Variants in PITPNC1 observed in about 807,000 individuals in gnomAD.
PITPNC1 encodes the protein cytoplasmic phosphatidylinositol transfer protein 1.
Under a neutral mutation model 44.7 loss-of-function variants are expected in PITPNC1, and 18 were observed. That is an observed-to-expected ratio of 0.40 (90% confidence interval 0.28 to 0.60). PITPNC1 has a LOEUF of 0.60. Ranked by LOEUF, PITPNC1 falls within the 20% of genes least tolerant of loss-of-function variation. PITPNC1 has a pLI of 0.39. For missense variants in PITPNC1, 290 were observed against 418.4 expected (o/e 0.69, Z 2.68); for synonymous variants, 141 against 149.6 (o/e 0.94, Z 0.42).
intron 4 of PITPNC1, 33 bp downstream of exon 4, chr17:67,553,650 G>T: frequency 1.0e-6 from 1 of 981,574 alleles, no homozygotes; most frequent in Non-Finnish European, 1.5e-6. Context: ...TAAACATTCT[G>T]TCTATGATCA....
chr17:67,515,619 C>T (rs990177977), intron 1 of PITPNC1, among the ~76,000 whole-genome samples: 11 of 152,214 alleles, frequency 7.2e-5, no homozygotes, highest in Admixed American at 6.5e-4. Flanking sequence ...GTGGGCTGGG[C>T]GTGGAGCCGG....
chr17:67,648,123 TA>T, intron 6 of PITPNC1, among the ~76,000 whole-genome samples: 1 of 152,308 alleles, frequency 6.6e-6, no homozygotes, highest in East Asian at 1.9e-4. Flanking sequence ...GTTGGAGGCC[TA>T]AATTTCCCAA....
chr17:67,578,096 C>A, intron 4 of PITPNC1, 90 bp from the exon 5 acceptor site: 1 of 883,078 alleles, frequency 1.1e-6, no homozygotes, highest in South Asian at 1.4e-5. Flanking sequence ...TGCTTGCAAC[C>A]AAATGGCCAG....
chr17:67,459,638 T>C (rs992064977), intron 1 of PITPNC1: 2 of 152,220 alleles, frequency 1.3e-5, no homozygotes, highest in Non-Finnish European at 2.9e-5. Context: ...TTATCTTAAT[T>C]TGTTGCCATA....
At chr17:67,490,200 AGAATGAG>A (rs2039844310) in intron 1 of PITPNC1, among the ~76,000 whole-genome samples, 1 of 150,286 alleles carries the variant, frequency 6.7e-6, no homozygotes, top group Admixed American at 6.7e-5. Flanking sequence ...TTTGGAGCTA[AGAATGAG>A]GAATGAGGAT....
intron 1 of PITPNC1, among the ~76,000 whole-genome samples, chr17:67,531,862 C>G (rs2040466105): frequency 6.6e-6 from 1 of 152,248 alleles, no homozygotes; most frequent in Non-Finnish European, 1.5e-5. Context: ...AGGGTTGTAC[C>G]TCATGCAAAA....
intron 5 of PITPNC1, among the ~76,000 whole-genome samples, chr17:67,591,512 A>G (rs191800397): frequency 6.4e-4 from 98 of 152,332 alleles, no homozygotes; most frequent in African/African-American, 2.2e-3. Context: ...ACCCTGAAAT[A>G]TCTAGAGGTC....
intron 1 of PITPNC1, among the ~76,000 whole-genome samples, chr17:67,460,487 G>A (rs576877911): frequency 1.3e-5 from 2 of 151,774 alleles, no homozygotes; most frequent in South Asian, 2.1e-4. Flanking sequence ...GCAGTGGCCC[G>A]ATCTCAGGTC....
chr17:67,423,161 C>T (rs548419780), intron 1 of PITPNC1, among the ~76,000 whole-genome samples: 6 of 152,162 alleles, frequency 3.9e-5, no homozygotes, highest in Middle Eastern at 3.4e-3. Context: ...TTAACTTGTT[C>T]GGAAGCTTTT....
intron 6 of PITPNC1, among the ~76,000 whole-genome samples, chr17:67,661,278 C>T (rs2042343609): frequency 6.6e-6 from 1 of 152,042 alleles, no homozygotes; most frequent in South Asian, 2.1e-4. Flanking sequence ...AAATGTCACC[C>T]ACAGTCAAGG....
intron 5 of PITPNC1, chr17:67,611,289 T>G (rs1432894796): frequency 6.6e-6 from 1 of 152,246 alleles, no homozygotes; most frequent in Non-Finnish European, 1.5e-5. Context: ...GACCATCCTT[T>G]TATTAGAATC....
Position 67,694,325 on chromosome 17 carries a change from C to T in PITPNC1, c.*1437C>T, listed in dbSNP as rs987136656. On this transcript the variant is annotated 3_prime_UTR_variant, in exon 9 of 9. Transcript: ENST00000581322. Reference sequence around the variant, plus strand: ...TTGGGCAACTTGGAGGCCCACGCCCCAGCTAGCCTTCCTGATCGTAACCTC... The same window carrying T: ...TTGGGCAACTTGGAGGCCCACGCCCTAGCTAGCCTTCCTGATCGTAACCTC... The T allele has an allele frequency of 2.0e-5, 3 of 152,282 alleles. No individual in the cohort carries two copies. The highest frequency in any genetic ancestry group is 2.9e-5 in the Non-Finnish European group (2 of 68,084). 9.4% of individuals were successfully genotyped at this position (152,282 alleles called of 1,614,324 possible).
intron 1 of PITPNC1, among the ~76,000 whole-genome samples, chr17:67,528,198 C>A (rs973189545): frequency 6.6e-6 from 1 of 152,148 alleles, no homozygotes; most frequent in Non-Finnish European, 1.5e-5. Flanking sequence ...TGCACCACCA[C>A]ATCCGGCTAA....
At chr17:67,523,339 CTCTTATACTT>C (rs2040352117) in intron 1 of PITPNC1, among the ~76,000 whole-genome samples, 1 of 152,188 alleles carries the variant, frequency 6.6e-6, no homozygotes, top group South Asian at 2.1e-4. Flanking sequence ...ATGCCTCATT[CTCTTATACTT>C]TCTGGAACCC....
chr17:67,557,115 AGCT>A (rs1568039406), intron 4 of PITPNC1, among the ~76,000 whole-genome samples: 2 of 152,178 alleles, frequency 1.3e-5, no homozygotes, highest in South Asian at 4.1e-4. Context: ...CAGTTGCAGA[AGCT>A]GAAAGTGCGA....
At chr17:67,656,413 C>T (rs932243585) in intron 6 of PITPNC1, among the ~76,000 whole-genome samples, 2 of 152,182 alleles carry the variant, frequency 1.3e-5, no homozygotes, top group Non-Finnish European at 2.9e-5. Context: ...TATAAGGACA[C>T]TTGTCATTGG....
chr17:67,481,481 G>A (rs1440894271), intron 1 of PITPNC1, among the ~76,000 whole-genome samples: 1 of 152,204 alleles, frequency 6.6e-6, no homozygotes, highest in Non-Finnish European at 1.5e-5. Flanking sequence ...GACAGCTTTC[G>A]GTCTCTGCTA....
In PITPNC1 at chr17:67,688,338, C is replaced by CAAAAAA. The variant is rs56938476; in HGVS notation, c.683-4226_683-4221dup. Among the ~76,000 whole-genome samples, 72 of 54,362 alleles carry CAAAAAA rather than the reference C, an allele frequency of 1.3e-3. 16 individuals are homozygous for CAAAAAA. Among genetic ancestry groups the CAAAAAA allele is most frequent in the East Asian group, 4.8e-3 (5 of 1,032 alleles). 35.7% of individuals were successfully genotyped at this position (54,362 alleles called of 152,430 possible). ...GGGCAACAAGAGCAAAATTCTGTCT[C>CAAAAAA]AAAAAAAAAAAAATCAATGCTGTAG... On this transcript the variant is annotated intron_variant, in intron 8 of 8. Coordinates refer to ENST00000581322, the MANE Select transcript of PITPNC1 (RefSeq NM_012417.4).
chr17:67,524,831 G>A lies in PITPNC1; in HGVS notation c.49-7971G>A, dbSNP rs1337013069. The A allele has an allele frequency of 1.5e-4, 4 of 26,104 alleles. 2 individuals carry two copies. Among genetic ancestry groups the A allele is most frequent in the Non-Finnish European group, 2.6e-4 (4 of 15,466 alleles). 1.6% of individuals were successfully genotyped at this position (26,104 alleles called of 1,614,324 possible). A position where few individuals can be genotyped will look rare whatever the true frequency, so the allele number is the denominator to read the frequency against. On this transcript the variant is annotated intron_variant, in intron 1 of 8. Coordinates refer to ENST00000581322, the MANE Select transcript of PITPNC1 (RefSeq NM_012417.4). ...AGGCCGGACTGCGGACTGCAGTGGC[G>A]CAATCTCGGCTCACTGCAAGCTCCG...
Sources: allele counts gnomAD v4.1 joint callset (sites outside exome capture counted in the v4.1 genomes callset), GRCh38; gene constraint gnomAD v4.1.1; transcripts MANE v1.5; gene names NCBI Gene and HGNC (gene_info 2026-07-23, HGNC 2026-07-21).